Variants in CXCL13 observed in about 807,000 individuals in gnomAD.
CXCL13 encodes C-X-C motif chemokine 13.
A neutral mutation model predicts 12.2 loss-of-function variants in CXCL13; 7 were observed. The ratio of observed to expected loss-of-function variants is 0.57; its 90% CI spans 0.33 to 1.07. The LOEUF (loss-of-function observed/expected upper bound fraction) is 1.07, where lower values mean the gene tolerates loss of function less well. Ranked by LOEUF, CXCL13 falls within the 50% of genes least tolerant of loss-of-function variation. The pLI is 0.04. For missense variants in CXCL13, 113 were observed against 127.4 expected (o/e 0.89, Z 0.55); for synonymous variants, 47 against 42.4 (o/e 1.11, Z -0.42).
chr4:77,518,668 A>C (rs373073865), intron 1 of CXCL13, among the ~76,000 whole-genome samples: 1 of 151,890 alleles, frequency 6.6e-6, no homozygotes, highest in African/African-American at 2.4e-5. Context: ...GCACTTCTCT[A>C]TATTGGTTAT....
At chr4:77,538,789 A>T (rs1725129770) in intron 1 of CXCL13, among the ~76,000 whole-genome samples, 1 of 152,096 alleles carries the variant, frequency 6.6e-6, no homozygotes, top group South Asian at 2.1e-4. Flanking sequence ...GTGGGCAAAG[A>T]CCAACAGCAG....
chr4:77,579,998 G>A (rs1726278837), intron 1 of CXCL13, among the ~76,000 whole-genome samples: 1 of 152,108 alleles, frequency 6.6e-6, no homozygotes, highest in Admixed American at 6.6e-5. Context: ...ATCAGACCTT[G>A]GCTGTGTAAA....
chr4:77,589,719 T>C (rs1250588615), intron 1 of CXCL13, among the ~76,000 whole-genome samples: 5 of 152,162 alleles, frequency 3.3e-5, no homozygotes, highest in South Asian at 2.1e-4. Context: ...TGACACAGAG[T>C]TGGCATTTGT....
At chr4:77,602,476 C>A (rs1047258466), upstream of CXCL13, among the ~76,000 whole-genome samples, 1 of 152,120 alleles carries the variant, frequency 6.6e-6, no homozygotes, top group Admixed American at 6.5e-5. Context: ...ATTCAAACCA[C>A]CTGAGAATCT....
chr4:77,540,248 T>C (rs1190692629), intron 1 of CXCL13, among the ~76,000 whole-genome samples: 1 of 152,168 alleles, frequency 6.6e-6, no homozygotes, highest in African/African-American at 2.4e-5. Context: ...ATGCCATAAA[T>C]ACATTTTTTA....
intron 1 of CXCL13, among the ~76,000 whole-genome samples, chr4:77,606,655 G>T (rs1727010116): frequency 6.6e-6 from 1 of 152,070 alleles, no homozygotes; most frequent in South Asian, 2.1e-4. Flanking sequence ...ATTCTCCACG[G>T]GGCTTTCCCA....
intron 1 of CXCL13, among the ~76,000 whole-genome samples, chr4:77,585,484 T>G (rs1177036333): frequency 1.3e-5 from 2 of 152,202 alleles, no homozygotes; most frequent in African/African-American, 4.8e-5. Flanking sequence ...GTCTTTCTCA[T>G]AACATGCACA....
rs546108860 is a variant in CXCL13, at chr4:77,596,982, A to G, written c.-42-8842A>G. Among the ~76,000 whole-genome samples the G allele has an allele frequency of 2.0e-5, 3 of 152,272 alleles. No homozygotes were observed. In the East Asian group the frequency reaches 5.8e-4, roughly 29 times the overall value. The stretch of plus-strand genomic sequence containing the variant: ...TGCGGTGGAGTATTATTCAGCCTTT[A>G]AAAAGATGAAAATGCTGCCATTTGC... On this transcript the variant is annotated intron_variant, in intron 1 of 4. Transcript: ENST00000286758.
chr4:77,513,115 T>C (rs1724313945), intron 1 of CXCL13, among the ~76,000 whole-genome samples: 1 of 152,132 alleles, frequency 6.6e-6, no homozygotes. Context: ...AACTCATCCT[T>C]TTTTATGGCT....
chr4:77,576,666 G>A (rs182905279), intron 1 of CXCL13, among the ~76,000 whole-genome samples: 1 of 150,422 alleles, frequency 6.6e-6, no homozygotes, highest in Non-Finnish European at 1.5e-5. Context: ...GTATTTGATG[G>A]CAAAAACCCA....
At chr4:77,558,850 C>T (rs1363452104) in intron 1 of CXCL13, among the ~76,000 whole-genome samples, 1 of 152,162 alleles carries the variant, frequency 6.6e-6, no homozygotes, top group Non-Finnish European at 1.5e-5. Context: ...GGGCTTGATC[C>T]TCAACTTTTT....
intron 1 of CXCL13, among the ~76,000 whole-genome samples, chr4:77,547,183 G>A (rs1047955717): frequency 1.3e-5 from 2 of 152,230 alleles, no homozygotes; most frequent in Non-Finnish European, 2.9e-5. Flanking sequence ...TTTGGTATAA[G>A]TGCACTGTGG....
rs142669803 is a variant in CXCL13 at position 77,574,889 on chromosome 4, A to C, written c.-42-30935A>C. On this transcript the variant is annotated intron_variant, in intron 1 of 4. Coordinates refer to the CXCL13 transcript ENST00000286758. The stretch of plus-strand genomic sequence containing the variant: ...GTACCCTTTAAGTTCATGTAACTTT[A>C]ATCTTTGAGAAATAAAAACAGCCTT... Among the ~76,000 whole-genome samples, 332 of 152,124 alleles carry C rather than the reference A, an allele frequency of 2.2e-3. 5 individuals carry two copies. In the Middle Eastern group the frequency reaches 0.031, roughly 14 times the overall value.
chr4:77,562,787 T>G lies in CXCL13; in HGVS notation c.-42-43037T>G, dbSNP rs149805738. ...CTAATCTAGTGGGGATTTGGAGAAC[T>G]TTTGTGTCTAGCTCAGGGATTGTAA... On this transcript the variant is annotated intron_variant, in intron 1 of 4. Coordinates refer to the CXCL13 transcript ENST00000286758. 4.5e-3 allele frequency among the ~76,000 whole-genome samples: 681 copies of G among 152,198 alleles called. 19 individuals carry two copies. The highest frequency in any genetic ancestry group is 0.027 in the East Asian group (138 of 5,164).
chr4:77,518,829 T>C (rs1724498461), intron 1 of CXCL13, among the ~76,000 whole-genome samples: 1 of 152,256 alleles, frequency 6.6e-6, no homozygotes, highest in South Asian at 2.1e-4. Flanking sequence ...GTTCCATTGC[T>C]GGTGAGGAAC....
chr4:77,515,248 C>T (rs1016128449), intron 1 of CXCL13, among the ~76,000 whole-genome samples: 22 of 152,262 alleles, frequency 1.4e-4, no homozygotes, highest in African/African-American at 4.6e-4. Context: ...CGTGATGCCT[C>T]CAGCTTTGTT....
chr4:77,582,058 A>T (rs1307777002), intron 1 of CXCL13, among the ~76,000 whole-genome samples: 1 of 140,434 alleles, frequency 7.1e-6, no homozygotes, highest in Non-Finnish European at 1.6e-5. Flanking sequence ...AAACATAGAA[A>T]AAAATGGAAA....
chr4:77,575,124 TA>T (rs1378821816), intron 1 of CXCL13, among the ~76,000 whole-genome samples: 5 of 151,874 alleles, frequency 3.3e-5, no homozygotes, highest in Non-Finnish European at 4.4e-5. Flanking sequence ...AGCATTGAAA[TA>T]AAAACACAGG....
At chr4:77,553,697 G>A (rs1725586825) in intron 1 of CXCL13, among the ~76,000 whole-genome samples, 1 of 152,188 alleles carries the variant, frequency 6.6e-6, no homozygotes, top group South Asian at 2.1e-4. Flanking sequence ...TGTGATTCTA[G>A]TGGATTCCCA....
Sources: allele counts gnomAD v4.1 joint callset (sites outside exome capture counted in the v4.1 genomes callset), GRCh38; gene constraint gnomAD v4.1.1; transcripts MANE v1.5; gene names NCBI Gene and HGNC (gene_info 2026-07-23, HGNC 2026-07-21).